Variants in CCAR2 observed in about 807,000 individuals in gnomAD.
The protein encoded by CCAR2 is cell cycle and apoptosis regulator protein 2.
Under a neutral mutation model 108.1 loss-of-function variants are expected in CCAR2, and 21 were observed. That is an observed-to-expected ratio of 0.19 (90% CI 0.14 to 0.28). The LOEUF is 0.28. Among genes scored for constraint, CCAR2 ranks in the 10% least tolerant of loss-of-function variants. The pLI is 1.00. For missense variants in CCAR2, 1,126 were observed against 1,177.0 expected, an observed-to-expected ratio of 0.96 and a Z score of 0.63; for synonymous variants, 577 against 472.8, an observed-to-expected ratio of 1.22 and a Z score of -2.86.
Position 22,617,686 on chromosome 8 carries a change from C to T in CCAR2, c.1991-10C>T, listed in dbSNP as rs745626957. ...GGCCCTGCTCTCCATTTATCTTGGC[C>T]TTTCTGTAGCAGGAGCAAAGCTGGA... On this transcript the variant is annotated splice_polypyrimidine_tract_variant and intron_variant, in intron 15 of 20. Coordinates refer to ENST00000308511, the MANE Select transcript of CCAR2 (RefSeq NM_001393997.1). 5.0e-6 allele frequency: 8 copies of T among 1,614,202 alleles called. No individual in the cohort carries two copies. In the Admixed American group the frequency reaches 5.0e-5, roughly 10 times the overall value.
rs1391318367 is a variant in CCAR2, at chr8:22,615,806, C to T, written c.1502C>T (p.Pro501Leu). Residue 501 changes from proline (P) to leucine (L), a missense_variant, in exon 13 of 21, where the codon CCT (proline) becomes CTT (leucine). Pro to Leu is a moderately conservative substitution (Grantham distance 98). Coordinates refer to ENST00000308511, the MANE Select transcript of CCAR2 (RefSeq NM_001393997.1). Reference sequence around the variant, plus strand: ...ACGGACACTGATCTCCCAGAGGCCCCTCCACCCCCCCTAGAACCTGCTGTC... The same window carrying T: ...ACGGACACTGATCTCCCAGAGGCCCTTCCACCCCCCCTAGAACCTGCTGTC... ...QETDTDLPEA[P>L]PPPLEPAVIA... 6.2e-7 allele frequency: 1 copy of T among 1,614,002 alleles called. No homozygotes were observed. The highest frequency in any genetic ancestry group is 8.5e-7 in the Non-Finnish European group (1 of 1,180,030).
In CCAR2 at chr8:22,617,793, C is replaced by T. The variant is rs756875975; in HGVS notation, c.2073+15C>T. 1.4e-5 allele frequency: 22 copies of T among 1,612,348 alleles called. No individual in the cohort carries two copies. The highest frequency in any genetic ancestry group is 9.9e-5 in the South Asian group (9 of 91,016). ...TTCAGGACATGGTGAGGCCTCTTCT[C>T]GACCACTCTGGGTCTCAGTGGTGGT... On this transcript the variant is annotated intron_variant, in intron 16 of 20. Coordinates refer to ENST00000308511, the MANE Select transcript of CCAR2 (RefSeq NM_001393997.1).
At chr8:22,606,455 G>T in intron 3 of CCAR2, 152 bp from the exon 4 acceptor site, 1 of 666,640 alleles carries the variant, frequency 1.5e-6, no homozygotes, top group South Asian at 1.8e-5. Context: ...CCTAATGATG[G>T]AGTATGCCCA....
chr8:22,607,213 A>G lies in CCAR2; in HGVS notation c.375A>G (p.Pro125=), dbSNP rs768710817. Residue 125 remains proline, a synonymous_variant, in exon 6 of 21, where the codon CCA becomes CCG. Coordinates refer to ENST00000308511, the MANE Select transcript of CCAR2 (RefSeq NM_001393997.1). ...TTCTGCAGCCCCTACTGAAGTCCCC[A>G]GCACCTCCTCTTCTGCATGTAGCAG... ...TLSNQPLLKS[P]APPLLHVAAL... The G allele has an allele frequency of 2.5e-6, 4 of 1,613,984 alleles. 1 individual carries two copies. Among genetic ancestry groups the G allele is most frequent in the East Asian group, 2.2e-5 (1 of 44,880 alleles).
In CCAR2 at chr8:22,607,051, T is replaced by C. The variant is rs181840491; in HGVS notation, c.357+27T>C. 114 of 1,611,972 alleles carry C rather than the reference T, an allele frequency of 7.1e-5. No individual in the cohort carries two copies. The African/African-American group carries it at 1.3e-3, about 19-fold the overall frequency. On this transcript the variant is annotated intron_variant, in intron 5 of 20. Coordinates refer to ENST00000308511, the MANE Select transcript of CCAR2 (RefSeq NM_001393997.1). Reference sequence around the variant, plus strand: ...TATTCATATCTCCTTAGCATGTGCATTGGAAAGGGAAGGGATGGAAGCCCC... The same window carrying C: ...TATTCATATCTCCTTAGCATGTGCACTGGAAAGGGAAGGGATGGAAGCCCC...
intron 7 of CCAR2, among the ~76,000 whole-genome samples, chr8:22,612,291 C>T (rs1308677503): frequency 7.1e-6 from 1 of 141,782 alleles, no homozygotes; most frequent in Middle Eastern, 4.4e-3. Flanking sequence ...TTTTTTGAGA[C>T]GGAGTCTTGC....
intron 14 of CCAR2, 97 bp downstream of exon 14, chr8:22,616,345 T>G: frequency 5.5e-6 from 6 of 1,092,586 alleles, no homozygotes; most frequent in Non-Finnish European, 8.2e-6. Flanking sequence ...CCTTAGCTCA[T>G]TCCCTGCACC....
In CCAR2 at chr8:22,604,836, C is replaced by G. The variant is rs952472116; in HGVS notation, c.-45C>G. On this transcript the variant is annotated 5_prime_UTR_variant, in exon 1 of 21. Coordinates refer to ENST00000308511, the MANE Select transcript of CCAR2 (RefSeq NM_001393997.1). Reference sequence around the variant, plus strand: ...TGTCCCCCCGGTGTCGCTGCCCTGGCCCGCAGGTGGGTTGGGGGGCCCCCT... The same window carrying G: ...TGTCCCCCCGGTGTCGCTGCCCTGGGCCGCAGGTGGGTTGGGGGGCCCCCT... The G allele has an allele frequency of 2.2e-6, 1 of 454,084 alleles. No homozygotes were observed. The highest frequency in any genetic ancestry group is 4.4e-6 in the Non-Finnish European group (1 of 226,438). 28.1% of individuals were successfully genotyped at this position (454,084 alleles called of 1,614,324 possible). A position where few individuals can be genotyped will look rare whatever the true frequency, so the allele number is the denominator to read the frequency against.
At chr8:22,606,738 G>C in intron 4 of CCAR2, 40 bp downstream of exon 4, 1 of 1,547,690 alleles carries the variant, frequency 6.5e-7, no homozygotes, top group Admixed American at 1.7e-5. Flanking sequence ...ATGCTTATTG[G>C]ATTCAGTTCT....
At chr8:22,615,948 G>A in intron 13 of CCAR2, 36 bp downstream of exon 13, 1 of 1,613,116 alleles carries the variant, frequency 6.2e-7, no homozygotes, top group Non-Finnish European at 8.5e-7. Flanking sequence ...CTGTGGGCTG[G>A]GATTTGTGGG....
At chr8:22,617,674 A>G (rs1353550909) in intron 15 of CCAR2, 22 bp from the exon 16 acceptor site, 1 of 1,614,088 alleles carries the variant, frequency 6.2e-7, no homozygotes, top group Admixed American at 1.7e-5. Flanking sequence ...CCTGCTCTCC[A>G]TTTATCTTGG....
chr8:22,615,641 A>G, intron 12 of CCAR2, 41 bp from the exon 13 acceptor site: 1 of 1,613,760 alleles, frequency 6.2e-7, no homozygotes, highest in Non-Finnish European at 8.5e-7. Flanking sequence ...AGGTGGCCTA[A>G]TCCCGGGACC....
downstream of CCAR2, chr8:22,621,073 C>A: frequency 4.5e-6 from 1 of 222,262 alleles, no homozygotes; most frequent in East Asian, 1.1e-4. Flanking sequence ...TTGATGCCCA[C>A]AACGCATGCA....
intron 19 of CCAR2, 31 bp downstream of exon 19, chr8:22,619,046 G>A: frequency 6.2e-7 from 1 of 1,608,804 alleles, no homozygotes; most frequent in South Asian, 1.1e-5. Flanking sequence ...CCACCATGGG[G>A]TCACATGCAG....
chr8:22,604,862 G>GCCCCTTCGCCCCT lies in CCAR2; in HGVS notation c.-39+22_-39+23insCCTTCGCCCCTCC, dbSNP rs1800999735. 5 of 450,780 alleles carry GCCCCTTCGCCCCT rather than the reference G, an allele frequency of 1.1e-5. No homozygotes were observed. The highest frequency in any genetic ancestry group is 2.2e-5 in the Non-Finnish European group (5 of 224,746). The allele number at this position is 450,780 out of a possible 1,614,324, so 27.9% of individuals were successfully genotyped here. A position where few individuals can be genotyped will look rare whatever the true frequency, so the allele number is the denominator to read the frequency against. Reference sequence around the variant, plus strand: ...CCGCAGGTGGGTTGGGGGGCCCCCTGCCGCCCCTCTGCCCCTTCGCCCCTC... The same window carrying GCCCCTTCGCCCCT: ...CCGCAGGTGGGTTGGGGGGCCCCCTGCCCCTTCGCCCCTCCGCCCCTCTGCCCCTTCGCCCCTC... On this transcript the variant is annotated intron_variant, in intron 1 of 20. Transcript: ENST00000308511.
At chr8:22,616,866 CTTTT>C (rs36086286) in intron 14 of CCAR2, among the ~76,000 whole-genome samples, 66 of 54,716 alleles carry the variant, frequency 1.2e-3, no homozygotes, top group South Asian at 5.0e-3. Context: ...TACTAGTCTG[CTTTT>C]TTTTTTTTTT....
intron 16 of CCAR2, 126 bp downstream of exon 16, chr8:22,617,904 G>C: frequency 1.0e-6 from 1 of 974,632 alleles, no homozygotes; most frequent in Non-Finnish European, 1.6e-6. Context: ...CACACAGTGT[G>C]GTCCTTGGCT....
Position 22,617,467 on chromosome 8 carries a change from A to G in CCAR2, c.1893A>G (p.Glu631=), listed in dbSNP as rs201932886. ...LPKPLSSGGE[E]EEKPRGEASE... ...AACCACTCTCTTCTGGGGGAGAGGA[A>G]GAAGAAAAACCCCGGGGCGAGGCTT... Residue 631 remains glutamate, a synonymous_variant, in exon 15 of 21, where the codon GAA becomes GAG. Transcript: ENST00000308511. 3 of 1,601,368 alleles carry G rather than the reference A, an allele frequency of 1.9e-6. No homozygotes were observed. Among genetic ancestry groups the G allele is most frequent in the Non-Finnish European group, 2.6e-6 (3 of 1,174,106 alleles).
chr8:22,619,539 CG>C (rs1009347676), intron 20 of CCAR2, 98 bp from the exon 21 acceptor site: 1 of 1,437,152 alleles, frequency 7.0e-7, no homozygotes, highest in Non-Finnish European at 9.6e-7. Flanking sequence ...CAGTCAGCAG[CG>C]TGCAGTGGGA....
Sources: allele counts gnomAD v4.1 joint callset (sites outside exome capture counted in the v4.1 genomes callset), GRCh38; gene constraint gnomAD v4.1.1; transcripts MANE v1.5; gene names NCBI Gene and HGNC (gene_info 2026-07-23, HGNC 2026-07-21).